The following DSC3 variants were observed in gnomAD, a reference collection of about 807,000 sequenced individuals.
DSC3 encodes desmocollin 3, also known as desmocollin-3.
Under a neutral mutation model 89.5 loss-of-function variants are expected in DSC3, and 97 were observed. The observed-to-expected ratio is 1.08, with a 90% CI of 0.92 to 1.28. DSC3 has a LOEUF of 1.28. Among genes scored for constraint, DSC3 ranks in the 50% most tolerant of loss-of-function variants. The pLI is 0.00. For missense variants in DSC3, 1,199 were observed against 1,085.3 expected (o/e 1.10, Z -1.47); for synonymous variants, 436 against 384.1 (o/e 1.14, Z -1.58).
intron 8 of DSC3, 61 bp from the exon 9 acceptor site, chr18:31,018,317 A>C (rs1196638784): frequency 3.0e-6 from 4 of 1,350,700 alleles, no homozygotes; most frequent in Non-Finnish European, 3.1e-6. Flanking sequence ...TTTAAAAAAA[A>C]GTTTCTTCCA....
intron 14 of DSC3, among the ~76,000 whole-genome samples, chr18:31,000,442 G>T (rs138216848): frequency 6.6e-6 from 1 of 151,990 alleles, no homozygotes; most frequent in Admixed American, 6.6e-5. Flanking sequence ...TCAGCTTCAC[G>T]CTGCTTGATT....
At chr18:30,997,081 G>C in intron 14 of DSC3, 33 bp from the exon 15 acceptor site, 2 of 1,613,348 alleles carry the variant, frequency 1.2e-6, no homozygotes, top group South Asian at 1.1e-5. Context: ...TTCATGTTGA[G>C]AGGAAATGGA....
chr18:31,042,046 T>C (rs1986150646), intron 1 of DSC3, among the ~76,000 whole-genome samples: 1 of 151,992 alleles, frequency 6.6e-6, no homozygotes, highest in Non-Finnish European at 1.5e-5. Context: ...GAATACCCTT[T>C]AGGGGAGATA....
In DSC3 at chr18:30,994,060, A is replaced by G. The variant is rs1984366058; in HGVS notation, c.*115T>C. Reference sequence around the variant, plus strand: ...AAAATATAAATTGGTGAGTAGCATAATTCAAAATTGAGAAAAAAATCATCA... The same window carrying G: ...AAAATATAAATTGGTGAGTAGCATAGTTCAAAATTGAGAAAAAAATCATCA... On this transcript the variant is annotated 3_prime_UTR_variant, in exon 16 of 16. Transcript: ENST00000360428. 9.3e-7 allele frequency: 1 copy of G among 1,072,192 alleles called. No homozygotes were observed. The highest frequency in any genetic ancestry group is 2.0e-5 in the Admixed American group (1 of 48,944). The allele number at this position is 1,072,192 out of a possible 1,614,324, so 66.4% of individuals were successfully genotyped here.
chr18:31,004,085 T>C, intron 13 of DSC3, 57 bp downstream of exon 13: 1 of 1,353,938 alleles, frequency 7.4e-7, no homozygotes. Context: ...AAACATCTTT[T>C]CCCACACCTA....
At chr18:31,003,526 T>C (rs1984736716) in intron 13 of DSC3, among the ~76,000 whole-genome samples, 1 of 152,214 alleles carries the variant, frequency 6.6e-6, no homozygotes, top group Non-Finnish European at 1.5e-5. Context: ...ACTACAGTTA[T>C]TCCTTTTACA....
At chr18:31,030,051 C>T (rs530441775) in intron 3 of DSC3, among the ~76,000 whole-genome samples, 45 of 152,274 alleles carry the variant, frequency 3.0e-4, no homozygotes, top group Middle Eastern at 6.8e-3. Flanking sequence ...TGCCATAGTG[C>T]TCTATTTACA....
Position 31,042,720 on chromosome 18 carries a change from T to C in DSC3, c.-60A>G. 6.8e-7 allele frequency: 1 copy of C among 1,478,376 alleles called. No homozygotes were observed. The highest frequency in any genetic ancestry group is 1.4e-5 in the African/African-American group (1 of 71,550). 91.6% of individuals were successfully genotyped at this position (1,478,376 alleles called of 1,614,324 possible). On this transcript the variant is annotated 5_prime_UTR_variant, in exon 1 of 16. Transcript: ENST00000360428. ...CCGGGAGGGTGCCGAGAGCGAGACCTGCCGAGGTGCAGGGCGCGGGAGGTG... is the reference window on the plus strand; with the variant it reads ...CCGGGAGGGTGCCGAGAGCGAGACCCGCCGAGGTGCAGGGCGCGGGAGGTG...
rs1212957765 is a variant in DSC3 at position 30,990,500 on chromosome 18, T to C, written c.*3675A>G. Reference sequence around the variant, plus strand: ...AATTTTGGTTCAACCTATATTAAAATGTAAGGCTTTTGATATAGCTAATAG... The same window carrying C: ...AATTTTGGTTCAACCTATATTAAAACGTAAGGCTTTTGATATAGCTAATAG... On this transcript the variant is annotated 3_prime_UTR_variant, in exon 16 of 16. Transcript: ENST00000360428. 3 of 152,244 alleles carry C rather than the reference T, an allele frequency of 2.0e-5. No individual in the cohort carries two copies. Among genetic ancestry groups the C allele is most frequent in the African/African-American group, 4.8e-5 (2 of 41,466 alleles). The allele number at this position is 152,244 out of a possible 1,614,324, so 9.4% of individuals were successfully genotyped here. A position where few individuals can be genotyped will look rare whatever the true frequency, so the allele number is the denominator to read the frequency against.
At chr18:31,001,245 T>C (rs1287479438) in intron 14 of DSC3, among the ~76,000 whole-genome samples, 1 of 151,568 alleles carries the variant, frequency 6.6e-6, no homozygotes, top group Non-Finnish European at 1.5e-5. Flanking sequence ...TTCCTAGCTA[T>C]CTTGAGAACT....
chr18:30,993,040 TC>T lies in DSC3; in HGVS notation c.*1134del, dbSNP rs1984326190. ...TCTCCCCAGGGTGCTTTCAGTAAGA[TC>T]CTCCCCTCAGCTCCCTCTAGCCTCT... is the stretch of plus-strand genomic sequence containing the variant. On this transcript the variant is annotated 3_prime_UTR_variant, in exon 16 of 16. Coordinates refer to ENST00000360428, the MANE Select transcript of DSC3 (RefSeq NM_001941.5). 6.6e-6 allele frequency: 1 copy of T among 152,250 alleles called. No homozygotes were observed. Among genetic ancestry groups the T allele is most frequent in the South Asian group, 2.1e-4 (1 of 4,822 alleles). The allele number at this position is 152,250 out of a possible 1,614,324, so 9.4% of individuals were successfully genotyped here.
At chr18:30,998,909 G>A (rs1458170331) in intron 14 of DSC3, among the ~76,000 whole-genome samples, 1 of 152,184 alleles carries the variant, frequency 6.6e-6, no homozygotes, top group Non-Finnish European at 1.5e-5. Flanking sequence ...GGAGTGCTGG[G>A]TAAGCAGGAA....
chr18:31,024,700 G>T (rs532320529), intron 5 of DSC3, among the ~76,000 whole-genome samples: 1 of 152,062 alleles, frequency 6.6e-6, no homozygotes, highest in Admixed American at 6.6e-5. Context: ...AATGGCTATC[G>T]CAAATAAAAC....
At chr18:31,031,306 T>A (rs533043044) in intron 2 of DSC3, 134 bp from the exon 3 acceptor site, 3 of 622,954 alleles carry the variant, frequency 4.8e-6, no homozygotes, top group Admixed American at 3.2e-5. Context: ...TTACCAGATA[T>A]CTTAACCTGT....
At chr18:31,014,323 T>C (rs1985165714) in intron 9 of DSC3, among the ~76,000 whole-genome samples, 1 of 152,078 alleles carries the variant, frequency 6.6e-6, no homozygotes, top group East Asian at 1.9e-4. Context: ...CATGATAAGA[T>C]TACTTAAACA....
At chr18:31,029,185 A>G (rs910896702) in intron 4 of DSC3, among the ~76,000 whole-genome samples, 1 of 152,144 alleles carries the variant, frequency 6.6e-6, no homozygotes, top group African/African-American at 2.4e-5. Context: ...CACGAGGCCA[A>G]TAACCCACAT....
At chr18:31,025,986 G>C in intron 4 of DSC3, 71 bp from the exon 5 acceptor site, 1 of 1,334,954 alleles carries the variant, frequency 7.5e-7, no homozygotes, top group East Asian at 2.4e-5. Context: ...AAATGCAGCT[G>C]ATGTATCTTT....
At position 30,994,116 on chromosome 18, in the gene DSC3, A is replaced by T; in HGVS notation, c.*59T>A. 1 of 1,522,478 alleles carries T rather than the reference A, an allele frequency of 6.6e-7. No homozygotes were observed. Among genetic ancestry groups the T allele is most frequent in the Non-Finnish European group, 9.1e-7 (1 of 1,098,356 alleles). 94.3% of individuals were successfully genotyped at this position (1,522,478 alleles called of 1,614,324 possible). A position where few individuals can be genotyped will look rare whatever the true frequency, so the allele number is the denominator to read the frequency against. ...ATACATGTTGAAATTGAACTTTACA[A>T]TATTATTTTTGGAAACCTCCAGAAT... On this transcript the variant is annotated 3_prime_UTR_variant, in exon 16 of 16. Coordinates refer to ENST00000360428, the MANE Select transcript of DSC3 (RefSeq NM_001941.5).
Position 31,032,179 on chromosome 18 carries a change from T to A in DSC3, c.154+13A>T. ...TAAATTTCTGCTTTAAAAAGACTTT[T>A]AAAATTTCTCACCTCTGCCAATTAT... is the stretch of plus-strand genomic sequence containing the variant. On this transcript the variant is annotated intron_variant, in intron 2 of 15. Coordinates refer to ENST00000360428, the MANE Select transcript of DSC3 (RefSeq NM_001941.5). 1 of 1,594,088 alleles carries A rather than the reference T, an allele frequency of 6.3e-7. No individual in the cohort carries two copies. The highest frequency in any genetic ancestry group is 1.7e-4 in the Middle Eastern group (1 of 6,012).
Sources: allele counts gnomAD v4.1 joint callset (sites outside exome capture counted in the v4.1 genomes callset), GRCh38; gene constraint gnomAD v4.1.1; transcripts MANE v1.5; gene names NCBI Gene and HGNC (gene_info 2026-07-23, HGNC 2026-07-21).